CAMTA1: variants seen among roughly 807,000 people sequenced by gnomAD.
CAMTA1 encodes the protein calmodulin-binding transcription activator 1.
CAMTA1 carries 27 observed loss-of-function variants against 170.9 expected under a neutral mutation model. The observed-to-expected ratio is 0.16, with a 90% CI of 0.12 to 0.22. CAMTA1 has a LOEUF of 0.22. Ranked by LOEUF, CAMTA1 falls within the 10% of genes least tolerant of loss-of-function variation. CAMTA1 has a pLI of 1.00. For missense variants in CAMTA1, 1,619 were observed against 2,217.2 expected (o/e 0.73, Z 5.42); for synonymous variants, 833 against 891.5 (o/e 0.93, Z 1.17).
chr1:7,104,645 C>G (rs530773842), intron 4 of CAMTA1, among the ~76,000 whole-genome samples: 9 of 152,222 alleles, frequency 5.9e-5, no homozygotes, highest in Non-Finnish European at 8.8e-5. Context: ...GCACTGTGCT[C>G]CTTTTAAACT....
In CAMTA1 at chr1:7,300,630, T is replaced by A. The variant is rs1274422076; in HGVS notation, c.438+51004T>A. On this transcript the variant is annotated intron_variant, in intron 5 of 22. Coordinates refer to ENST00000303635, the MANE Select transcript of CAMTA1 (RefSeq NM_015215.4). The surrounding 1 kb of genome is among the most constrained non-coding windows in gnomAD (Gnocchi z 4.1). Reference sequence around the variant, plus strand: ...AGGCAGAGGTTGCAGTGAGCCAAGATGGTGCCACTGCACTCCAGCCTGGAC... The same window carrying A: ...AGGCAGAGGTTGCAGTGAGCCAAGAAGGTGCCACTGCACTCCAGCCTGGAC... Among the ~76,000 whole-genome samples the A allele has an allele frequency of 6.6e-6, 1 of 151,892 alleles. No homozygotes were observed. The highest frequency in any genetic ancestry group is 1.5e-5 in the Non-Finnish European group (1 of 68,016).
chr1:7,454,830 G>A (rs1445595421), intron 5 of CAMTA1, among the ~76,000 whole-genome samples: 1 of 152,136 alleles, frequency 6.6e-6, no homozygotes, highest in Non-Finnish European at 1.5e-5. Context: ...TGTGTTAAAG[G>A]AAGGTTGGCT....
In CAMTA1 at chr1:7,406,783, A is replaced by C. The variant is rs1557663405; in HGVS notation, c.439-61047A>C. On this transcript the variant is annotated intron_variant, in intron 5 of 22. Coordinates refer to ENST00000303635, the MANE Select transcript of CAMTA1 (RefSeq NM_015215.4). ...AAGCATTTGTGTCCTGTCACTCCCC[A>C]GGTGGCCCACTGCTGCCCCCACAGC... is the stretch of plus-strand genomic sequence containing the variant. 3.9e-5 allele frequency among the ~76,000 whole-genome samples: 6 copies of C among 152,230 alleles called. No homozygotes were observed. The South Asian group carries it at 1.2e-3, about 32-fold the overall frequency.
At chr1:7,255,988 C>T (rs916601208) in intron 5 of CAMTA1, among the ~76,000 whole-genome samples, 1 of 152,146 alleles carries the variant, frequency 6.6e-6, no homozygotes, top group South Asian at 2.1e-4. Context: ...GTACAGGGAG[C>T]GTCTGTTCAG....
intron 19 of CAMTA1, 92 bp downstream of exon 19, chr1:7,747,873 C>A: frequency 2.9e-6 from 2 of 700,842 alleles, no homozygotes; most frequent in Non-Finnish European, 4.9e-6. Flanking sequence ...ACATCTAGTA[C>A]CTCATTACAG....
chr1:7,275,542 T>C (rs1670466918), intron 5 of CAMTA1, among the ~76,000 whole-genome samples: 2 of 152,056 alleles, frequency 1.3e-5, no homozygotes, highest in Admixed American at 6.5e-5. Flanking sequence ...CAGAGAAATA[T>C]ACAAATTATT....
chr1:7,710,619 AAAAGAATT>A (rs926724907), intron 11 of CAMTA1, among the ~76,000 whole-genome samples: 10 of 150,896 alleles, frequency 6.6e-5, no homozygotes, highest in African/African-American at 2.4e-4. Context: ...AAAAAAAAAA[AAAAGAATT>A]TATTGACTCT....
intron 11 of CAMTA1, among the ~76,000 whole-genome samples, chr1:7,683,503 TG>T (rs1361217600): frequency 2.0e-5 from 3 of 152,042 alleles, no homozygotes; most frequent in African/African-American, 7.2e-5. Flanking sequence ...GGAGAAGCAC[TG>T]ACCCAGGGGT....
At chr1:7,075,530 G>A (rs979105776) in intron 3 of CAMTA1, among the ~76,000 whole-genome samples, 1 of 152,160 alleles carries the variant, frequency 6.6e-6, no homozygotes, top group Non-Finnish European at 1.5e-5. Context: ...AAGGACAGCA[G>A]CCCATCGCTC....
At chr1:7,420,400 C>CT (rs1466437486) in intron 5 of CAMTA1, among the ~76,000 whole-genome samples, 1 of 152,136 alleles carries the variant, frequency 6.6e-6, no homozygotes, top group East Asian at 1.9e-4. Context: ...TGTTCGCTGT[C>CT]TGTCTCTCCA....
chr1:7,051,452 G>C lies in CAMTA1; in HGVS notation c.235-39852G>C, dbSNP rs574272831. ...TCCTGGAGCTGCGTGGGGTGGGCAG[G>C]TGGGGCTGCACGGACGGAGACCTCT... On this transcript the variant is annotated intron_variant, in intron 3 of 22. Transcript: ENST00000303635. Among the ~76,000 whole-genome samples, 116 of 152,314 alleles carry C rather than the reference G, an allele frequency of 7.6e-4. 1 individual carries two copies. The highest frequency in any genetic ancestry group is 2.8e-3 in the African/African-American group (116 of 41,576).
intron 5 of CAMTA1, among the ~76,000 whole-genome samples, chr1:7,281,602 C>T (rs892272336): frequency 3.3e-5 from 5 of 152,182 alleles, no homozygotes; most frequent in Admixed American, 6.5e-5. Flanking sequence ...TAGATTAATG[C>T]AGACTGTGAG....
chr1:6,786,455 T>C (rs1433608113), intron 1 of CAMTA1, among the ~76,000 whole-genome samples: 2 of 152,110 alleles, frequency 1.3e-5, no homozygotes, highest in Non-Finnish European at 2.9e-5. Context: ...GATCTGCTCA[T>C]CTTCTTTGGA....
Position 7,580,589 on chromosome 1 carries a change from C to G in CAMTA1, c.511-59811C>G, listed in dbSNP as rs2095251711. On this transcript the variant is annotated intron_variant, in intron 6 of 22. Coordinates refer to ENST00000303635, the MANE Select transcript of CAMTA1 (RefSeq NM_015215.4). This position sits in a 1 kb window ranked among gnomAD's most constrained non-coding sequence, Gnocchi z 4.3. Reference sequence around the variant, plus strand: ...AACCACTAACAAGTGCCAAGCCCTCCCACGTTTGGGGACAGCCGTGTCAGA... The same window carrying G: ...AACCACTAACAAGTGCCAAGCCCTCGCACGTTTGGGGACAGCCGTGTCAGA... Among the ~76,000 whole-genome samples the G allele has an allele frequency of 6.6e-6, 1 of 151,956 alleles. No homozygotes were observed. Among genetic ancestry groups the G allele is most frequent in the Non-Finnish European group, 1.5e-5 (1 of 68,000 alleles).
At position 7,224,795 on chromosome 1, in the gene CAMTA1, G is replaced by T. The variant is rs11120881; in HGVS notation, c.303-24696G>T. ...GCCCCGCTCCCCAGGGCCCTGCTCC[G>T]TAGCTGCTCCATGTCGTCTGGATGG... On this transcript the variant is annotated intron_variant, in intron 4 of 22. Transcript: ENST00000303635. The surrounding 1 kb of genome is among the most constrained non-coding windows in gnomAD (Gnocchi z 5.2). Among the ~76,000 whole-genome samples, 1 of 151,612 alleles carries T rather than the reference G, an allele frequency of 6.6e-6. No individual in the cohort carries two copies. Among genetic ancestry groups the T allele is most frequent in the African/African-American group, 2.4e-5 (1 of 40,888 alleles).
At chr1:7,028,332 A>C (rs1334398957) in intron 3 of CAMTA1, among the ~76,000 whole-genome samples, 1 of 152,232 alleles carries the variant, frequency 6.6e-6, no homozygotes, top group Non-Finnish European at 1.5e-5. Flanking sequence ...TATTAGTGTC[A>C]GTGAGTCTCT....
At chr1:7,563,653 T>G (rs2094993257) in intron 6 of CAMTA1, among the ~76,000 whole-genome samples, 1 of 152,224 alleles carries the variant, frequency 6.6e-6, no homozygotes, top group Non-Finnish European at 1.5e-5. Flanking sequence ...GGCCTTGTGA[T>G]CTGAGTGGTA....
chr1:6,791,776 G>C (rs1641169400), intron 1 of CAMTA1, among the ~76,000 whole-genome samples: 2 of 151,930 alleles, frequency 1.3e-5, no homozygotes, highest in African/African-American at 4.8e-5. Flanking sequence ...TATTTTTCTT[G>C]AATACCTAAT....
intron 5 of CAMTA1, among the ~76,000 whole-genome samples, chr1:7,276,426 C>G (rs1670739836): frequency 6.7e-6 from 1 of 150,008 alleles, no homozygotes; most frequent in Non-Finnish European, 1.5e-5. Context: ...TCTCCTGCCT[C>G]TAGCCTCTTG....
Sources: gnomAD v4.1 joint callset for allele counts (sites outside exome capture counted in the v4.1 genomes callset) on GRCh38, gnomAD v4.1.1 for gene constraint, Gnocchi (gnomAD v3.1) non-coding constraint, MANE v1.5 for transcripts, NCBI Gene and HGNC (gene_info 2026-07-23, HGNC 2026-07-21) for gene names.